Variants in KIAA1549L observed in about 807,000 individuals in gnomAD.
The protein encoded by KIAA1549L is UPF0606 protein KIAA1549L.
In KIAA1549L, 88 loss-of-function variants were observed where a neutral mutation model predicts 160.7. The ratio of observed to expected loss-of-function variants is 0.55; its 90% CI spans 0.46 to 0.65. The LOEUF is 0.65. KIAA1549L is among the 30% of genes least tolerant of loss of function. The pLI is 0.00. For synonymous variants in KIAA1549L, 950 were observed against 976.7 expected (o/e 0.97, Z 0.51); for missense variants, 2,258 against 2,437.5 (o/e 0.93, Z 1.55).
intron 1 of KIAA1549L, among the ~76,000 whole-genome samples, chr11:33,496,844 T>C (rs2756277): frequency 0.71 from 108,397 of 152,064 alleles, 39,165 homozygotes; most frequent in African/African-American, 0.84. Flanking sequence ...TCTAACTCCT[T>C]CTGCCTCCTT....
At chr11:33,577,309 A>G (rs7109146) in intron 10 of KIAA1549L, among the ~76,000 whole-genome samples, 44,453 of 152,050 alleles carry the variant, frequency 0.29, 6,985 homozygotes, top group African/African-American at 0.4. Context: ...AAATCTTCTG[A>G]GGCAGTTGCT....
chr11:33,545,096 C>T lies in KIAA1549L; in HGVS notation c.3103C>T (p.Leu1035=), dbSNP rs377476148. The part of the protein sequence containing the change: ...MQGNMDTASG[L]LSTTYLPRKP... ...AGGAAACATGGACACTGCCTCTGGC[C>T]TGTTGTCTACAACTTACCTCCCCAG... is the stretch of plus-strand genomic sequence containing the variant. The change falls in exon 3 of 21, where the codon CTG becomes TTG. Residue 1035 remains leucine (L), a synonymous_variant. Transcript: ENST00000658780. 1.2e-6 allele frequency: 2 copies of T among 1,614,028 alleles called. No individual in the cohort carries two copies. Among genetic ancestry groups the T allele is most frequent in the African/African-American group, 1.3e-5 (1 of 75,052 alleles).
At chr11:33,433,490 G>A (rs1483645771) in intron 1 of KIAA1549L, among the ~76,000 whole-genome samples, 1 of 152,146 alleles carries the variant, frequency 6.6e-6, no homozygotes, top group African/African-American at 2.4e-5. Context: ...CACTGTTGGT[G>A]GGAATGTAAA....
At chr11:33,397,359 G>A (rs1457687005) in intron 1 of KIAA1549L, among the ~76,000 whole-genome samples, 1 of 142,378 alleles carries the variant, frequency 7.0e-6, no homozygotes. Context: ...ATTCAAAAAT[G>A]AATTAATGTT....
intron 8 of KIAA1549L, among the ~76,000 whole-genome samples, chr11:33,566,034 A>G (rs1855037036): frequency 6.6e-6 from 1 of 152,162 alleles, no homozygotes; most frequent in Non-Finnish European, 1.5e-5. Context: ...AAACAATTTT[A>G]TTGTAAAATA....
At position 33,435,605 on chromosome 11, in the gene KIAA1549L, C is replaced by T. The variant is rs538574868; in HGVS notation, c.238+58716C>T. Among the ~76,000 whole-genome samples the T allele has an allele frequency of 2.7e-5, 4 of 150,914 alleles. No homozygotes were observed. In the East Asian group the frequency reaches 7.8e-4, roughly 29 times the overall value. On this transcript the variant is annotated intron_variant, in intron 1 of 20. Transcript: ENST00000658780. The stretch of plus-strand genomic sequence containing the variant: ...TTTTTCTATAAAAAAGATCATAGGA[C>T]TGATATGCTAAATGTCTAGTGGCCA...
chr11:33,562,926 C>T (rs1192686586), intron 8 of KIAA1549L, among the ~76,000 whole-genome samples: 1 of 151,992 alleles, frequency 6.6e-6, no homozygotes, highest in African/African-American at 2.4e-5. Context: ...GCCGATCTGC[C>T]CGCCTTGGCC....
chr11:33,552,334 A>G (rs1010502428), intron 6 of KIAA1549L, 93 bp downstream of exon 6: 1 of 1,353,456 alleles, frequency 7.4e-7, no homozygotes, highest in Admixed American at 2.1e-5. Context: ...TTTCAGAGCT[A>G]CCATGTATAA....
intron 17 of KIAA1549L, among the ~76,000 whole-genome samples, chr11:33,648,227 C>T (rs1285083394): frequency 6.6e-6 from 1 of 152,080 alleles, no homozygotes; most frequent in Non-Finnish European, 1.5e-5. Flanking sequence ...AACTCCTGAC[C>T]TCAGGTGATC....
chr11:33,527,594 A>G (rs564787011), intron 1 of KIAA1549L, among the ~76,000 whole-genome samples: 51 of 152,238 alleles, frequency 3.4e-4, no homozygotes, highest in Non-Finnish European at 6.8e-4. Flanking sequence ...GATAGGACCT[A>G]AGTAAACTAA....
intron 16 of KIAA1549L, among the ~76,000 whole-genome samples, chr11:33,634,077 C>T (rs1851375953): frequency 6.6e-6 from 1 of 152,124 alleles, no homozygotes; most frequent in African/African-American, 2.4e-5. Context: ...GAGTCTCATT[C>T]TGTCGCCCAG....
intron 1 of KIAA1549L, among the ~76,000 whole-genome samples, chr11:33,422,411 CACTT>C (rs1169941028): frequency 6.6e-6 from 1 of 152,036 alleles, no homozygotes; most frequent in Non-Finnish European, 1.5e-5. Flanking sequence ...TGCTCCCTCA[CACTT>C]ACTCCCCTGC....
chr11:33,640,010 A>G (rs964327611), intron 16 of KIAA1549L, among the ~76,000 whole-genome samples: 6 of 152,200 alleles, frequency 3.9e-5, no homozygotes, highest in Admixed American at 2.0e-4. Flanking sequence ...ATTGATGGAG[A>G]TACTTACTTA....
Position 33,598,229 on chromosome 11 carries a change from T to TGTGTGTGTGTCTGA in KIAA1549L, c.4752-591_4752-590insGTGTGTGTGTCTGA, listed in dbSNP as rs138775051. Among the ~76,000 whole-genome samples, 462 of 148,058 alleles carry TGTGTGTGTGTCTGA rather than the reference T, an allele frequency of 3.1e-3. 5 individuals are homozygous for TGTGTGTGTGTCTGA. The highest frequency in any genetic ancestry group is 0.01 in the African/African-American group (406 of 39,770). Reference sequence around the variant, plus strand: ...GTGTGTGTGTGTGTGTGTGTGTGTGTCAGAGTGAAGCCCCTAGTGATGGGG... The same window carrying TGTGTGTGTGTCTGA: ...GTGTGTGTGTGTGTGTGTGTGTGTGTGTGTGTGTGTCTGACAGAGTGAAGCCCCTAGTGATGGGG... On this transcript the variant is annotated intron_variant, in intron 12 of 20. Transcript: ENST00000658780.
chr11:33,426,092 C>T (rs1345651109), intron 1 of KIAA1549L, among the ~76,000 whole-genome samples: 1 of 152,126 alleles, frequency 6.6e-6, no homozygotes, highest in Non-Finnish European at 1.5e-5. Context: ...AGAAAAAGGA[C>T]ATTAGAGACA....
chr11:33,510,876 A>G (rs1853212962), intron 1 of KIAA1549L, among the ~76,000 whole-genome samples: 1 of 152,182 alleles, frequency 6.6e-6, no homozygotes, highest in Non-Finnish European at 1.5e-5. Flanking sequence ...AGCTTTGAGA[A>G]CCACTGGGAT....
At chr11:33,391,349 C>G (rs964940046) in intron 1 of KIAA1549L, among the ~76,000 whole-genome samples, 8 of 152,050 alleles carry the variant, frequency 5.3e-5, no homozygotes, top group African/African-American at 1.7e-4. Flanking sequence ...TTGCTGTCAT[C>G]ATGTCATCAT....
intron 1 of KIAA1549L, among the ~76,000 whole-genome samples, chr11:33,505,828 G>C (rs974514897): frequency 2.0e-5 from 3 of 152,084 alleles, no homozygotes; most frequent in Admixed American, 6.6e-5. Context: ...ATGATTCCAG[G>C]ACTTCAAAAT....
chr11:33,502,828 G>A (rs181847733), intron 1 of KIAA1549L, among the ~76,000 whole-genome samples: 29 of 152,272 alleles, frequency 1.9e-4, no homozygotes, highest in African/African-American at 7.0e-4. Flanking sequence ...TTGCCACCTT[G>A]TTTCTTAAAA....
Sources: allele counts gnomAD v4.1 joint callset (sites outside exome capture counted in the v4.1 genomes callset), GRCh38; gene constraint gnomAD v4.1.1; transcripts MANE v1.5; gene names NCBI Gene and HGNC (gene_info 2026-07-23, HGNC 2026-07-21).